The following FHIT variants were observed in gnomAD, a reference collection of about 807,000 sequenced individuals.
FHIT encodes the protein fragile histidine triad diadenosine triphosphatase, also known as bis(5'-adenosyl)-triphosphatase.
A neutral mutation model predicts 17.9 loss-of-function variants in FHIT; 19 were observed. The ratio of observed to expected loss-of-function variants is 1.06; its 90% CI spans 0.74 to 1.56. The LOEUF is 1.56. Ranked by LOEUF, FHIT falls within the 40% of genes most tolerant of loss-of-function variation. FHIT has a pLI of 0.00. For synonymous variants in FHIT, 81 were observed against 69.7 expected (o/e 1.16, Z -0.81); for missense variants, 248 against 189.2 (o/e 1.31, Z -1.82).
At chr3:60,176,631 AG>A (rs1232932379) in intron 5 of FHIT, among the ~76,000 whole-genome samples, 2 of 152,208 alleles carry the variant, frequency 1.3e-5, no homozygotes, top group African/African-American at 4.8e-5. Flanking sequence ...GAAAAACACA[AG>A]TCAGGTAAGT....
rs181093238 is a variant in FHIT at position 59,884,075 on chromosome 3, T to C, written c.348+38271A>G. Among the ~76,000 whole-genome samples the C allele has an allele frequency of 1.4e-3, 208 of 152,342 alleles. 1 individual carries two copies. The highest frequency in any genetic ancestry group is 1.4e-3 in the Admixed American group (22 of 15,296). The stretch of plus-strand genomic sequence containing the variant: ...AAGCACACCTGTTTTGTCAGTGACA[T>C]GAGCAACTTTGCTTAATTGGGTAGT... On this transcript the variant is annotated intron_variant, in intron 8 of 9. Transcript: ENST00000492590.
At chr3:60,974,024 CA>C (rs1213879660) in intron 3 of FHIT, among the ~76,000 whole-genome samples, 1 of 152,134 alleles carries the variant, frequency 6.6e-6, no homozygotes, top group Non-Finnish European at 1.5e-5. Context: ...GACGCTTGTT[CA>C]AAATCATGCA....
intron 4 of FHIT, among the ~76,000 whole-genome samples, chr3:60,569,769 T>TTTTTTA (rs1232418692): frequency 2.4e-5 from 2 of 83,982 alleles, no homozygotes; most frequent in East Asian, 9.4e-4. Flanking sequence ...TTTTTTTTTT[T>TTTTTTA]AGACAGAGTT....
At chr3:59,876,170 T>C (rs976717911) in intron 8 of FHIT, among the ~76,000 whole-genome samples, 8 of 151,938 alleles carry the variant, frequency 5.3e-5, no homozygotes, top group Non-Finnish European at 1.0e-4. Flanking sequence ...ATAGTAAATT[T>C]TATGTTATGT....
At chr3:60,933,649 T>C (rs931010951) in intron 3 of FHIT, among the ~76,000 whole-genome samples, 3 of 152,218 alleles carry the variant, frequency 2.0e-5, no homozygotes, top group Admixed American at 6.5e-5. Context: ...TTACTACTGA[T>C]GCATGTCACC....
intron 8 of FHIT, among the ~76,000 whole-genome samples, chr3:59,785,951 G>A (rs527833873): frequency 7.9e-5 from 12 of 152,136 alleles, no homozygotes; most frequent in East Asian, 3.9e-4. Context: ...TCAACACCCC[G>A]CTTAGAGGAT....
At chr3:60,505,262 G>A (rs964255123) in intron 5 of FHIT, among the ~76,000 whole-genome samples, 2 of 152,176 alleles carry the variant, frequency 1.3e-5, no homozygotes, top group African/African-American at 4.8e-5. Context: ...TTAAGGAAAT[G>A]ATTTTTGCAA....
chr3:60,355,373 T>A (rs1046876477), intron 5 of FHIT, among the ~76,000 whole-genome samples: 1 of 152,104 alleles, frequency 6.6e-6, no homozygotes, highest in African/African-American at 2.4e-5. Flanking sequence ...CTTAATGACT[T>A]CTTCTTATCT....
intron 4 of FHIT, chr3:60,690,739 C>G (rs1383464975): frequency 2.5e-6 from 1 of 394,508 alleles, no homozygotes; most frequent in Non-Finnish European, 5.0e-6. Flanking sequence ...TACGGGGCTC[C>G]CAGTGGCAGC....
chr3:60,766,347 G>A (rs1349811468), intron 4 of FHIT, among the ~76,000 whole-genome samples: 1 of 152,040 alleles, frequency 6.6e-6, no homozygotes, highest in Non-Finnish European at 1.5e-5. Flanking sequence ...TTATCCAATG[G>A]CTCTAACACC....
chr3:59,916,692 C>A (rs536549860), intron 8 of FHIT, among the ~76,000 whole-genome samples: 4 of 152,144 alleles, frequency 2.6e-5, no homozygotes, highest in Non-Finnish European at 5.9e-5. Context: ...ACCCAGCTTT[C>A]TCATTACTAA....
intron 5 of FHIT, among the ~76,000 whole-genome samples, chr3:60,370,939 C>G (rs535379232): frequency 6.6e-6 from 1 of 152,156 alleles, no homozygotes; most frequent in Admixed American, 6.5e-5. Flanking sequence ...CCTTTTAATT[C>G]GCTTCTCTAA....
At chr3:60,903,249 A>G (rs1314512619) in intron 3 of FHIT, among the ~76,000 whole-genome samples, 1 of 152,214 alleles carries the variant, frequency 6.6e-6, no homozygotes, top group Non-Finnish European at 1.5e-5. Context: ...TCCAGTGCTT[A>G]TATAAGGATC....
At chr3:60,831,228 C>T (rs939361707) in intron 3 of FHIT, among the ~76,000 whole-genome samples, 15 of 152,014 alleles carry the variant, frequency 9.9e-5, no homozygotes, top group African/African-American at 3.4e-4. Context: ...AGGAAAGGAA[C>T]GAGTTGAAGC....
chr3:60,341,215 T>A (rs1710501763), intron 5 of FHIT, among the ~76,000 whole-genome samples: 1 of 152,208 alleles, frequency 6.6e-6, no homozygotes, highest in Non-Finnish European at 1.5e-5. Flanking sequence ...GAGCTGGATA[T>A]ATCCACACAG....
At chr3:60,276,185 A>G (rs1292102630) in intron 5 of FHIT, among the ~76,000 whole-genome samples, 1 of 151,914 alleles carries the variant, frequency 6.6e-6, no homozygotes, top group African/African-American at 2.4e-5. Flanking sequence ...ACCGGGTTTC[A>G]CTGTGTTAGC....
intron 1 of FHIT, among the ~76,000 whole-genome samples, chr3:61,237,787 G>T (rs1310783381): frequency 6.6e-6 from 1 of 152,186 alleles, no homozygotes; most frequent in Non-Finnish European, 1.5e-5. Context: ...GGAAAGCGAA[G>T]CTCAGAGAGG....
intron 3 of FHIT, among the ~76,000 whole-genome samples, chr3:61,006,376 A>G (rs2031449065): frequency 6.6e-6 from 1 of 152,186 alleles, no homozygotes; most frequent in Non-Finnish European, 1.5e-5. Flanking sequence ...TGTCATAAAA[A>G]CAGCAACATC....
At chr3:60,529,062 T>C (rs2035675587) in intron 5 of FHIT, among the ~76,000 whole-genome samples, 2 of 152,196 alleles carry the variant, frequency 1.3e-5, no homozygotes, top group Admixed American at 6.5e-5. Flanking sequence ...CTCACAAAGA[T>C]AGTTTAGATT....
Sources: allele counts gnomAD v4.1 joint callset (sites outside exome capture counted in the v4.1 genomes callset), GRCh38; gene constraint gnomAD v4.1.1; transcripts MANE v1.5; gene names NCBI Gene and HGNC (gene_info 2026-07-23, HGNC 2026-07-21).